STK3: variants seen among roughly 807,000 people sequenced by gnomAD.
STK3 encodes serine/threonine kinase 3, also known as serine/threonine-protein kinase 3.
Under a neutral mutation model 58.0 loss-of-function variants are expected in STK3, and 41 were observed. The observed-to-expected ratio is 0.71, with a 90% CI of 0.55 to 0.92. STK3 has a LOEUF of 0.92. Ranked by LOEUF, STK3 falls within the 40% of genes least tolerant of loss-of-function variation. The probability of loss-of-function intolerance (pLI) is 0.00; values close to 1 mark genes in which losing one functional copy is unlikely to be tolerated. For missense variants in STK3, 479 were observed against 602.7 expected (o/e 0.79, Z 2.15); for synonymous variants, 170 against 191.0 (o/e 0.89, Z 0.91).
rs188647877 is a variant in STK3, at chr8:98,764,556, G to A, written c.236+2687C>T. Among the ~76,000 whole-genome samples, 96 of 152,336 alleles carry A rather than the reference G, an allele frequency of 6.3e-4. 1 individual carries two copies. In the East Asian group the frequency reaches 8.1e-3, roughly 13 times the overall value. On this transcript the variant is annotated intron_variant, in intron 3 of 10. Coordinates refer to ENST00000419617, the MANE Select transcript of STK3 (RefSeq NM_006281.4). ...ATTCTCAGCCTTGCTAAAAGACTAA[G>A]TAGATGATGATGCCTTTGATACACA... is the stretch of plus-strand genomic sequence containing the variant.
At chr8:98,821,024 AC>A (rs1834863589) in intron 1 of STK3, among the ~76,000 whole-genome samples, 1 of 152,030 alleles carries the variant, frequency 6.6e-6, no homozygotes, top group African/African-American at 2.4e-5. Flanking sequence ...ATTCCATCTA[AC>A]CAAAATGCTA....
At chr8:98,897,468 C>T (rs1212472353) in intron 1 of STK3, among the ~76,000 whole-genome samples, 1 of 151,548 alleles carries the variant, frequency 6.6e-6, no homozygotes, top group African/African-American at 2.4e-5. Context: ...GAGGCTGAGG[C>T]AGGAGAATGG....
chr8:98,913,895 A>G (rs1839243798), intron 1 of STK3, among the ~76,000 whole-genome samples: 2 of 152,054 alleles, frequency 1.3e-5, no homozygotes, highest in Admixed American at 1.3e-4. Flanking sequence ...TTTGGCCTCT[A>G]TTTTCTCATC....
At chr8:98,685,948 T>C (rs1341217596) in intron 6 of STK3, among the ~76,000 whole-genome samples, 2 of 152,128 alleles carry the variant, frequency 1.3e-5, no homozygotes, top group Non-Finnish European at 2.9e-5. Context: ...AAAATTTTTA[T>C]CTACAACCAT....
chr8:98,626,587 G>T (rs933140323), intron 6 of STK3, among the ~76,000 whole-genome samples: 5 of 152,140 alleles, frequency 3.3e-5, no homozygotes, highest in African/African-American at 7.2e-5. Context: ...GGTAAGAAGG[G>T]GACTGAGATG....
intron 1 of STK3, among the ~76,000 whole-genome samples, chr8:98,804,357 T>C (rs1833777254): frequency 6.6e-6 from 1 of 152,230 alleles, no homozygotes; most frequent in African/African-American, 2.4e-5. Flanking sequence ...GTTACTACGA[T>C]ATTCTCAGTT....
chr8:98,650,611 C>G (rs1239194591), intron 6 of STK3, among the ~76,000 whole-genome samples: 1 of 152,228 alleles, frequency 6.6e-6, no homozygotes, highest in East Asian at 1.9e-4. Context: ...CAGAGGGCAC[C>G]TGGAAAAGCG....
At chr8:98,369,052 C>T (rs560958463), downstream of STK3, among the ~76,000 whole-genome samples, 5 of 152,300 alleles carry the variant, frequency 3.3e-5, no homozygotes, top group South Asian at 4.1e-4. Flanking sequence ...TTTTCTGCTC[C>T]CTTGATTGCC....
intron 1 of STK3, among the ~76,000 whole-genome samples, chr8:98,803,233 A>G (rs1270275663): frequency 6.6e-6 from 1 of 152,196 alleles, no homozygotes; most frequent in African/African-American, 2.4e-5. Context: ...AAATCATCTT[A>G]TACACTGAAA....
rs140027055 is a variant in STK3, at chr8:98,915,779, C to T, written c.-79+26599G>A. 3.9e-5 allele frequency among the ~76,000 whole-genome samples: 6 copies of T among 152,132 alleles called. No individual in the cohort carries two copies. In the East Asian group the frequency reaches 7.7e-4, roughly 20 times the overall value. Reference sequence around the variant, plus strand: ...CCACTCAGAGAAAATATCCATCCTCCGCCCCTCCACACACATCAAGTTCTT... The same window carrying T: ...CCACTCAGAGAAAATATCCATCCTCTGCCCCTCCACACACATCAAGTTCTT... On this transcript the variant is annotated intron_variant, in intron 1 of 1. Transcript: ENST00000519420.
the STK3 span, among the ~76,000 whole-genome samples, chr8:98,360,686 C>A: frequency 6.6e-6 from 1 of 152,176 alleles, no homozygotes; most frequent in Non-Finnish European, 1.5e-5. Flanking sequence ...CTCACAGACA[C>A]TTTCATTACT....
chr8:98,706,990 T>G (rs992855451), intron 5 of STK3, among the ~76,000 whole-genome samples, 157 bp downstream of exon 5: 3 of 152,362 alleles, frequency 2.0e-5, no homozygotes, highest in Non-Finnish European at 4.4e-5. Flanking sequence ...ATAAATTAAA[T>G]AATACTCAAA....
At chr8:98,865,452 A>G (rs552017405) in intron 3 of STK3, among the ~76,000 whole-genome samples, 2 of 152,034 alleles carry the variant, frequency 1.3e-5, no homozygotes, top group Non-Finnish European at 2.9e-5. Context: ...CTGCAGCCTC[A>G]ACCTCCTGGG....
At chr8:98,774,675 A>T in intron 2 of STK3, 64 bp downstream of exon 2, 1 of 1,152,534 alleles carries the variant, frequency 8.7e-7, no homozygotes, top group South Asian at 1.6e-5. Context: ...AAAGATTAAC[A>T]TCATATAATA....
intron 3 of STK3, among the ~76,000 whole-genome samples, chr8:98,420,124 T>A (rs1818153256): frequency 6.6e-6 from 1 of 152,222 alleles, no homozygotes; most frequent in African/African-American, 2.4e-5. Context: ...AAGTATTTGA[T>A]GAAAAATTGT....
downstream of STK3, among the ~76,000 whole-genome samples, chr8:98,396,901 T>A (rs984472570): frequency 6.6e-6 from 1 of 152,250 alleles, no homozygotes; most frequent in Non-Finnish European, 1.5e-5. Context: ...TTTTGAGTAA[T>A]TACTATGTAC....
chr8:98,517,126 T>C (rs941824836), intron 10 of STK3, among the ~76,000 whole-genome samples: 3 of 152,086 alleles, frequency 2.0e-5, no homozygotes, highest in African/African-American at 7.2e-5. Context: ...GTATCTTTTT[T>C]CCAAAATACT....
intron 4 of STK3, among the ~76,000 whole-genome samples, chr8:98,730,975 C>T (rs1385057038): frequency 6.6e-6 from 1 of 152,034 alleles, no homozygotes; most frequent in Non-Finnish European, 1.5e-5. Context: ...TACAATTGTG[C>T]CAAGATTTCT....
downstream of STK3, among the ~76,000 whole-genome samples, chr8:98,454,167 A>G (rs1819330023): frequency 6.6e-6 from 1 of 151,998 alleles, no homozygotes; most frequent in Non-Finnish European, 1.5e-5. Flanking sequence ...CTTTCCAGAG[A>G]CAATATACCT....
Sources: gnomAD v4.1 joint callset for allele counts (sites outside exome capture counted in the v4.1 genomes callset) on GRCh38, gnomAD v4.1.1 for gene constraint, MANE v1.5 for transcripts, NCBI Gene and HGNC (gene_info 2026-07-23, HGNC 2026-07-21) for gene names.